PRKG1: variants seen among roughly 807,000 people sequenced by gnomAD.
The protein encoded by PRKG1 is cGMP-dependent protein kinase 1.
PRKG1 carries 35 observed loss-of-function variants against 88.1 expected under a neutral mutation model. The ratio of observed to expected loss-of-function variants is 0.40; its 90% CI spans 0.30 to 0.53. The LOEUF (loss-of-function observed/expected upper bound fraction) is 0.53. Among genes scored for constraint, PRKG1 ranks in the 20% least tolerant of loss-of-function variants. The pLI, the probability that PRKG1 is intolerant of heterozygous loss-of-function variation, is 0.59. For missense variants in PRKG1, 540 were observed against 839.8 expected, an observed-to-expected ratio of 0.64 and a Z score of 4.41; for synonymous variants, 303 against 292.5, an observed-to-expected ratio of 1.04 and a Z score of -0.37.
intron 2 of PRKG1, among the ~76,000 whole-genome samples, chr10:51,242,152 A>C (rs1256850938): frequency 6.6e-6 from 1 of 152,158 alleles, no homozygotes; most frequent in East Asian, 1.9e-4. Context: ...TTCTCTAATG[A>C]GCACATACAG....
intron 5 of PRKG1, chr10:51,910,565 T>TAAAGTTTAGTCA (rs896624208): frequency 6.6e-6 from 1 of 152,068 alleles, no homozygotes; most frequent in African/African-American, 2.4e-5. Flanking sequence ...GCTGACTGTC[T>TAAAGTTTAGTCA]AAAGTTTAGT....
At chr10:51,244,652 C>T (rs1208200061) in intron 2 of PRKG1, among the ~76,000 whole-genome samples, 1 of 151,886 alleles carries the variant, frequency 6.6e-6, no homozygotes, top group Non-Finnish European at 1.5e-5. Flanking sequence ...TATGTATTTT[C>T]AAATTACTGG....
intron 4 of PRKG1, among the ~76,000 whole-genome samples, chr10:51,813,709 A>G (rs1839514498): frequency 6.6e-6 from 1 of 152,126 alleles, no homozygotes; most frequent in Non-Finnish European, 1.5e-5. Flanking sequence ...GTCCCTGCAC[A>G]TTGCTGTCCT....
intron 4 of PRKG1, among the ~76,000 whole-genome samples, chr10:51,846,082 C>T (rs1372364031): frequency 1.3e-5 from 2 of 152,104 alleles, no homozygotes; most frequent in Non-Finnish European, 2.9e-5. Context: ...GCCAAATGCC[C>T]CCACATCTAC....
chr10:52,162,441 A>G (rs1393112785), intron 9 of PRKG1, among the ~76,000 whole-genome samples: 1 of 152,140 alleles, frequency 6.6e-6, no homozygotes, highest in East Asian at 1.9e-4. Flanking sequence ...ATAAAAATAC[A>G]ATTCCGTCTA....
intron 2 of PRKG1, among the ~76,000 whole-genome samples, chr10:51,187,140 T>C (rs1325321145): frequency 4.6e-5 from 7 of 151,760 alleles, no homozygotes; most frequent in Admixed American, 4.6e-4. Flanking sequence ...AAATAGTTGC[T>C]AGAAATCTTG....
chr10:51,261,561 G>A (rs979796311), intron 2 of PRKG1, among the ~76,000 whole-genome samples: 1 of 152,168 alleles, frequency 6.6e-6, no homozygotes, highest in South Asian at 2.1e-4. Flanking sequence ...TTTCAGTCTT[G>A]TCTAGGTTTA....
intron 5 of PRKG1, among the ~76,000 whole-genome samples, chr10:51,940,340 T>C (rs1053870877): frequency 4.0e-5 from 6 of 151,890 alleles, no homozygotes; most frequent in African/African-American, 1.5e-4. Context: ...GTCAGTCCTC[T>C]ACTGATAAAT....
chr10:52,097,199 C>T (rs1847192500), intron 7 of PRKG1, among the ~76,000 whole-genome samples: 2 of 151,864 alleles, frequency 1.3e-5, no homozygotes, highest in South Asian at 4.2e-4. Flanking sequence ...AAAATAGGCC[C>T]ATTTTTGCCT....
chr10:51,172,191 A>T (rs954589966), intron 2 of PRKG1, among the ~76,000 whole-genome samples: 1 of 152,064 alleles, frequency 6.6e-6, no homozygotes, highest in Non-Finnish European at 1.5e-5. Flanking sequence ...TGCATCACCT[A>T]TTCCAAATTG....
At chr10:51,220,651 G>T (rs1372768257) in intron 2 of PRKG1, among the ~76,000 whole-genome samples, 1 of 152,096 alleles carries the variant, frequency 6.6e-6, no homozygotes, top group Non-Finnish European at 1.5e-5. Flanking sequence ...TGTTTGCCAT[G>T]GTTGAGTGAT....
chr10:51,140,853 T>TA (rs1464152363), intron 1 of PRKG1, among the ~76,000 whole-genome samples: 1 of 152,156 alleles, frequency 6.6e-6, no homozygotes, highest in Non-Finnish European at 1.5e-5. Context: ...GGGTAGGTCA[T>TA]AACCCAACCA....
chr10:51,222,780 G>A (rs1056711309), intron 2 of PRKG1, among the ~76,000 whole-genome samples: 2 of 151,874 alleles, frequency 1.3e-5, no homozygotes, highest in East Asian at 1.9e-4. Context: ...TAGGAATTAC[G>A]GTATTCCTGC....
chr10:51,750,383 A>G lies in PRKG1; in HGVS notation c.593-54202A>G, dbSNP rs1439881939. Among the ~76,000 whole-genome samples the G allele has an allele frequency of 2.0e-5, 3 of 152,204 alleles. No individual in the cohort carries two copies. The East Asian group carries it at 5.8e-4, about 29-fold the overall frequency. On this transcript the variant is annotated intron_variant, in intron 3 of 17. Transcript: ENST00000373980. ...TCACTAACAGACATAACAGAGATGA[A>G]CATAGACTGAATATGTTTATAACAA...
At chr10:51,634,440 C>T (rs1372067594) in intron 3 of PRKG1, among the ~76,000 whole-genome samples, 2 of 151,986 alleles carry the variant, frequency 1.3e-5, no homozygotes, top group African/African-American at 4.8e-5. Flanking sequence ...GTTAGGGGAG[C>T]CATTCAGGTT....
chr10:51,440,584 A>C (rs1190515050), intron 2 of PRKG1, among the ~76,000 whole-genome samples: 2 of 151,974 alleles, frequency 1.3e-5, no homozygotes, highest in Non-Finnish European at 2.9e-5. Flanking sequence ...AAGGAAATAT[A>C]TCAAAATTCA....
rs1840775919 is a variant in PRKG1, at chr10:51,858,420, TAA to T, written c.699-49086_699-49085del. Among the ~76,000 whole-genome samples the T allele has an allele frequency of 4.9e-5, 3 of 61,398 alleles. No individual in the cohort carries two copies. In the South Asian group the frequency reaches 1.7e-3, roughly 35 times the overall value. The allele number at this position is 61,398 out of a possible 152,430, so 40.3% of individuals were successfully genotyped here. A position where few individuals can be genotyped will look rare whatever the true frequency, so the allele number is the denominator to read the frequency against. ...ATATAATATATATAAAATATATATATAATATATATATATAGTCTTAGTTATCA... is the reference window on the plus strand; with the variant it reads ...ATATAATATATATAAAATATATATATTATATATATATAGTCTTAGTTATCA... On this transcript the variant is annotated intron_variant, in intron 4 of 17. Coordinates refer to ENST00000373980, the MANE Select transcript of PRKG1 (RefSeq NM_006258.4).
chr10:51,024,176 G>A (rs894506882), intron 1 of PRKG1, among the ~76,000 whole-genome samples: 2 of 152,084 alleles, frequency 1.3e-5, no homozygotes, highest in Non-Finnish European at 2.9e-5. Flanking sequence ...TCTAAATTGG[G>A]ATCTTCCTCA....
intron 9 of PRKG1, among the ~76,000 whole-genome samples, chr10:52,249,811 C>T (rs772571174): frequency 2.6e-5 from 4 of 151,670 alleles, no homozygotes; most frequent in Non-Finnish European, 5.9e-5. Flanking sequence ...GCCTGGGTGA[C>T]ACAGCAAGAC....
Sources: allele counts gnomAD v4.1 joint callset (sites outside exome capture counted in the v4.1 genomes callset), GRCh38; gene constraint gnomAD v4.1.1; transcripts MANE v1.5; gene names NCBI Gene and HGNC (gene_info 2026-07-23, HGNC 2026-07-21).